Variants in PSMA1 observed in about 807,000 individuals in gnomAD.
PSMA1 encodes proteasome subunit alpha type-1.
Under a neutral mutation model 38.4 loss-of-function variants are expected in PSMA1, and 3 were observed. The ratio of observed to expected loss-of-function variants is 0.08; its 90% confidence interval spans 0.04 to 0.20. The LOEUF (loss-of-function observed/expected upper bound fraction) is 0.20. Among genes scored for constraint, PSMA1 ranks in the 10% least tolerant of loss-of-function variants. PSMA1 has a pLI of 1.00. For missense variants in PSMA1, 227 were observed against 325.3 expected (o/e 0.70, Z 2.32); for synonymous variants, 101 against 107.1 (o/e 0.94, Z 0.35).
chr11:14,618,688 T>C (rs185684532), intron 1 of PSMA1, among the ~76,000 whole-genome samples: 231 of 152,362 alleles, frequency 1.5e-3, no homozygotes, highest in Non-Finnish European at 2.4e-3. Context: ...TGTTGTTAAC[T>C]GGCTTCCATT....
chr11:14,582,283 G>A (rs1565050154), intron 2 of PSMA1, among the ~76,000 whole-genome samples: 1 of 152,054 alleles, frequency 6.6e-6, no homozygotes, highest in Non-Finnish European at 1.5e-5. Context: ...GATCGATTTA[G>A]ACAATTTACC....
rs1234618734 is a variant in PSMA1 at position 14,513,717 on chromosome 11, T to TAC, written c.415-20_415-19dup. On this transcript the variant is annotated intron_variant, in intron 6 of 9. Coordinates refer to ENST00000396394, the MANE Select transcript of PSMA1 (RefSeq NM_002786.4). ...CCCATATCCTACAAATAGAAATAAA[T>TAC]ACACCACATAATTATTTACTTTGGT... 1.3e-6 allele frequency: 2 copies of TAC among 1,563,158 alleles called. No individual in the cohort carries two copies. Among genetic ancestry groups the TAC allele is most frequent in the African/African-American group, 2.8e-5 (2 of 72,066 alleles).
chr11:14,598,625 C>T (rs1035751499), intron 2 of PSMA1, among the ~76,000 whole-genome samples: 1 of 147,634 alleles, frequency 6.8e-6, no homozygotes, highest in Non-Finnish European at 1.5e-5. Context: ...TTATTTTGAG[C>T]CTACGTATGT....
chr11:14,630,089 A>T (rs1349202650), intron 1 of PSMA1, among the ~76,000 whole-genome samples: 1 of 152,142 alleles, frequency 6.6e-6, no homozygotes, highest in Non-Finnish European at 1.5e-5. Context: ...TTTTCTAGAT[A>T]TACAATCATG....
chr11:14,559,316 T>C (rs1387540773), intron 2 of PSMA1, among the ~76,000 whole-genome samples: 2 of 152,188 alleles, frequency 1.3e-5, no homozygotes, highest in Non-Finnish European at 2.9e-5. Context: ...AGGAAGGAAC[T>C]TTCTAATCAT....
chr11:14,528,707 T>C (rs1336272777), intron 2 of PSMA1, among the ~76,000 whole-genome samples: 1 of 152,188 alleles, frequency 6.6e-6, no homozygotes, highest in Non-Finnish European at 1.5e-5. Context: ...CTGAAGCAAC[T>C]GAAGATCCAC....
chr11:14,560,216 T>A (rs2597212), intron 2 of PSMA1, among the ~76,000 whole-genome samples: 1 of 152,132 alleles, frequency 6.6e-6, no homozygotes, highest in East Asian at 1.9e-4. Context: ...TTACAGCCAA[T>A]GCTTTGTGTT....
intron 1 of PSMA1, among the ~76,000 whole-genome samples, chr11:14,611,997 A>G (rs1162529504): frequency 6.6e-6 from 1 of 152,200 alleles, no homozygotes; most frequent in Admixed American, 6.5e-5. Flanking sequence ...CATCTGGAGG[A>G]AAAAACAGCT....
intron 8 of PSMA1, among the ~76,000 whole-genome samples, chr11:14,510,278 T>C (rs1851323238): frequency 6.6e-6 from 1 of 152,214 alleles, no homozygotes; most frequent in East Asian, 1.9e-4. Context: ...AATTTTGCTC[T>C]AGATCTGCAT....
intron 2 of PSMA1, among the ~76,000 whole-genome samples, chr11:14,559,848 G>C (rs1225768966): frequency 1.3e-5 from 2 of 152,210 alleles, no homozygotes; most frequent in African/African-American, 4.8e-5. Context: ...TTTGCAGGCA[G>C]GGAGTTTATT....
intron 2 of PSMA1, among the ~76,000 whole-genome samples, chr11:14,548,034 A>G (rs1310793127): frequency 1.3e-5 from 2 of 152,046 alleles, no homozygotes; most frequent in Admixed American, 1.3e-4. Context: ...ACACACACAC[A>G]CACACCACAC....
At chr11:14,529,529 G>A (rs1375064885) in intron 2 of PSMA1, among the ~76,000 whole-genome samples, 1 of 152,068 alleles carries the variant, frequency 6.6e-6, no homozygotes, top group East Asian at 1.9e-4. Flanking sequence ...CCAACTCCAG[G>A]TTTCCTTCCT....
intron 4 of PSMA1, among the ~76,000 whole-genome samples, chr11:14,516,137 G>A (rs1456862332): frequency 1.3e-5 from 2 of 151,728 alleles, no homozygotes; most frequent in Non-Finnish European, 1.5e-5. Context: ...TTGAACTCTG[G>A]AGGCGGAGGT....
intron 2 of PSMA1, among the ~76,000 whole-genome samples, chr11:14,565,118 T>G (rs1278479894): frequency 1.3e-5 from 2 of 152,130 alleles, no homozygotes; most frequent in Non-Finnish European, 2.9e-5. Context: ...ATTGGGTGAC[T>G]TGTGGTTGCA....
intron 1 of PSMA1, among the ~76,000 whole-genome samples, chr11:14,634,924 T>G (rs1853092816): frequency 6.6e-6 from 1 of 152,218 alleles, no homozygotes; most frequent in Admixed American, 6.5e-5. Flanking sequence ...AAATTTTGAT[T>G]GTTAGAGAAA....
At chr11:14,611,523 T>G (rs1167090305) in intron 1 of PSMA1, among the ~76,000 whole-genome samples, 1 of 152,212 alleles carries the variant, frequency 6.6e-6, no homozygotes, top group Non-Finnish European at 1.5e-5. Context: ...AATTCTACAA[T>G]GAAGGATTTT....
chr11:14,509,864 CA>C (rs1443456525), intron 8 of PSMA1, among the ~76,000 whole-genome samples: 10 of 152,066 alleles, frequency 6.6e-5, no homozygotes, highest in African/African-American at 2.4e-4. Context: ...GCTGGGACTA[CA>C]GGCGCCTGCC....
At chr11:14,595,330 C>T (rs535480413) in intron 2 of PSMA1, among the ~76,000 whole-genome samples, 4 of 152,344 alleles carry the variant, frequency 2.6e-5, no homozygotes, top group African/African-American at 9.6e-5. Flanking sequence ...GGAATCACCA[C>T]ACTGTCTTCT....
intron 4 of PSMA1, among the ~76,000 whole-genome samples, chr11:14,516,522 T>G (rs902099185): frequency 3.9e-5 from 6 of 152,198 alleles, no homozygotes; most frequent in Non-Finnish European, 8.8e-5. Context: ...CCTAATCAAA[T>G]CACAAATTTA....
Sources: allele counts gnomAD v4.1 joint callset (sites outside exome capture counted in the v4.1 genomes callset), GRCh38; gene constraint gnomAD v4.1.1; transcripts MANE v1.5; gene names NCBI Gene and HGNC (gene_info 2026-07-23, HGNC 2026-07-21).